KAT2B: variants seen among roughly 807,000 people sequenced by gnomAD.
KAT2B encodes the protein histone acetyltransferase KAT2B.
KAT2B carries 36 observed loss-of-function variants against 105.9 expected under a neutral mutation model. The ratio of observed to expected loss-of-function variants is 0.34; its 90% confidence interval spans 0.26 to 0.45. The LOEUF is 0.45. Among genes scored for constraint, KAT2B ranks in the 20% least tolerant of loss-of-function variants. The probability of loss-of-function intolerance (pLI) is 1.00; values close to 1 mark genes in which losing one functional copy is unlikely to be tolerated. For missense variants in KAT2B, 820 were observed against 1,021.6 expected, an observed-to-expected ratio of 0.80 and a Z score of 2.69; for synonymous variants, 397 against 377.9, an observed-to-expected ratio of 1.05 and a Z score of -0.59.
At chr3:20,053,088 G>C (rs1697943488) in intron 1 of KAT2B, among the ~76,000 whole-genome samples, 2 of 152,206 alleles carry the variant, frequency 1.3e-5, no homozygotes, top group Admixed American at 6.5e-5. Context: ...TCATAGTTAA[G>C]TGTGTTTCCC....
intron 13 of KAT2B, among the ~76,000 whole-genome samples, chr3:20,141,840 T>C (rs10084714): frequency 0.16 from 23,439 of 150,160 alleles, 2,205 homozygotes; most frequent in Middle Eastern, 0.22. Context: ...TGTTCAAAGA[T>C]GTCAGCCTAA....
chr3:20,062,669 C>A (rs2125174074), intron 1 of KAT2B, among the ~76,000 whole-genome samples: 1 of 151,682 alleles, frequency 6.6e-6, no homozygotes, highest in South Asian at 2.1e-4. Context: ...GCCTTGTTTG[C>A]CAGACTGGTC....
chr3:20,100,374 A>C (rs1698889779), intron 4 of KAT2B, among the ~76,000 whole-genome samples: 2 of 152,210 alleles, frequency 1.3e-5, no homozygotes, highest in African/African-American at 4.8e-5. Flanking sequence ...AAAAAAGCAA[A>C]AAAGAAATGA....
intron 1 of KAT2B, among the ~76,000 whole-genome samples, chr3:20,060,372 C>T (rs758278000): frequency 5.3e-5 from 8 of 151,894 alleles, no homozygotes; most frequent in Middle Eastern, 3.5e-3. Flanking sequence ...GAGGCCAAGG[C>T]GGGCGGATCA....
At chr3:20,124,537 G>A (rs926948000) in intron 9 of KAT2B, among the ~76,000 whole-genome samples, 6 of 152,132 alleles carry the variant, frequency 3.9e-5, no homozygotes, top group African/African-American at 1.4e-4. Context: ...TTCATGAGGG[G>A]TCTGCCCTGA....
chr3:20,143,335 T>C (rs7648603), intron 13 of KAT2B, among the ~76,000 whole-genome samples: 68,862 of 152,012 alleles, frequency 0.45, 18,963 homozygotes, highest in East Asian at 0.93. Context: ...AATGTGATAC[T>C]ATCTCACACC....
chr3:20,047,852 G>A (rs1388765694), intron 1 of KAT2B, among the ~76,000 whole-genome samples: 1 of 152,010 alleles, frequency 6.6e-6, no homozygotes, highest in Non-Finnish European at 1.5e-5. Flanking sequence ...CTGACCTCAA[G>A]TGATCTGTCT....
rs1697695390 is a variant in KAT2B, at chr3:20,040,618, G to C, written c.141G>C (p.Gly47=). ...PQGSPCAAAA[G]GSGACGPATA... ...GCTCCCCCTGCGCCGCTGCCGCCGG[G>C]GGCTCGGGCGCCTGCGGTCCGGCGA... The change falls in exon 1 of 18, where the codon GGG becomes GGC. Residue 47 remains glycine, a synonymous_variant. Transcript: ENST00000263754. 1 of 1,308,828 alleles carries C rather than the reference G, an allele frequency of 7.6e-7. No homozygotes were observed. Among genetic ancestry groups the C allele is most frequent in the South Asian group, 1.9e-5 (1 of 52,244 alleles). The allele number at this position is 1,308,828 out of a possible 1,614,324, so 81.1% of individuals were successfully genotyped here.
At position 20,096,158 on chromosome 3, in the gene KAT2B, T is replaced by G. The variant is rs1486443372; in HGVS notation, c.576+750T>G. On this transcript the variant is annotated intron_variant, in intron 3 of 17. Coordinates refer to ENST00000263754, the MANE Select transcript of KAT2B (RefSeq NM_003884.5). ...TGGAGGAGTGGCTGTAAGTCCTATC[T>G]CTAATGCTTTAAGAGGAGAAATCAA... is the stretch of plus-strand genomic sequence containing the variant. Among the ~76,000 whole-genome samples, 4 of 152,282 alleles carry G rather than the reference T, an allele frequency of 2.6e-5. No individual in the cohort carries two copies. The East Asian group carries it at 7.7e-4, about 29-fold the overall frequency.
In KAT2B at chr3:20,062,211, ATATAT is replaced by A. The variant is rs1430077190; in HGVS notation, c.304-10116_304-10112del. On this transcript the variant is annotated intron_variant, in intron 1 of 17. Coordinates refer to ENST00000263754, the MANE Select transcript of KAT2B (RefSeq NM_003884.5). ...ATAAAATATATATATTTTATATAAA[ATATAT>A]TATATATAAAAATATATATAAAATA... Among the ~76,000 whole-genome samples, 544 of 79,974 alleles carry A rather than the reference ATATAT, an allele frequency of 6.8e-3. 34 individuals carry two copies. The highest frequency in any genetic ancestry group is 0.025 in the African/African-American group (503 of 19,762). The allele number at this position is 79,974 out of a possible 152,430, so 52.5% of individuals were successfully genotyped here.
At chr3:20,046,206 G>A (rs115581195) in intron 1 of KAT2B, among the ~76,000 whole-genome samples, 2,106 of 152,306 alleles carry the variant, frequency 0.014, 40 homozygotes, top group African/African-American at 0.048. Context: ...AGCATTTATG[G>A]AGAACCCAGT....
At chr3:20,047,863 G>C (rs891676392) in intron 1 of KAT2B, among the ~76,000 whole-genome samples, 6 of 152,010 alleles carry the variant, frequency 3.9e-5, no homozygotes, top group African/African-American at 1.5e-4. Context: ...TGATCTGTCT[G>C]CCTGCGCCTC....
intron 1 of KAT2B, among the ~76,000 whole-genome samples, chr3:20,043,367 G>T (rs549411762): frequency 6.6e-6 from 1 of 152,204 alleles, no homozygotes; most frequent in East Asian, 1.9e-4. Flanking sequence ...GTATGCATGT[G>T]TTGGGGGCCT....
In KAT2B at chr3:20,111,640, C is replaced by G; in HGVS notation, c.896C>G (p.Pro299Arg). The change falls in exon 6 of 18, where the codon CCT (proline) becomes CGT (arginine). Residue 299 changes from proline to arginine, a missense_variant. By Grantham distance (103) the Pro-to-Arg change is moderately radical. Coordinates refer to ENST00000263754, the MANE Select transcript of KAT2B (RefSeq NM_003884.5). Reference protein sequence around the residue: ...CNVPQFCDSLPRYETTQVFGR... With the variant: ...CNVPQFCDSLRRYETTQVFGR... ...GTGCCACAGTTCTGCGACAGTCTACCTCGGTACGAAACCACACAGGTGTTT... is the reference window on the plus strand; with the variant it reads ...GTGCCACAGTTCTGCGACAGTCTACGTCGGTACGAAACCACACAGGTGTTT... 6.2e-7 allele frequency: 1 copy of G among 1,613,802 alleles called. No homozygotes were observed. The highest frequency in any genetic ancestry group is 1.1e-5 in the South Asian group (1 of 91,058).
At chr3:20,067,054 C>T (rs1124376) in intron 1 of KAT2B, among the ~76,000 whole-genome samples, 22,356 of 152,106 alleles carry the variant, frequency 0.15, 2,047 homozygotes, top group Middle Eastern at 0.22. Context: ...CTCAGTGTTT[C>T]ACCCCATGTT....
At chr3:20,099,993 G>C in intron 4 of KAT2B, 39 bp downstream of exon 4, 1 of 1,052,328 alleles carries the variant, frequency 9.5e-7, no homozygotes. Flanking sequence ...ATTGGCTCAA[G>C]GCTGAAGAAA....
At chr3:20,106,595 A>T (rs73818815) in intron 5 of KAT2B, among the ~76,000 whole-genome samples, 11,367 of 152,214 alleles carry the variant, frequency 0.075, 477 homozygotes, top group East Asian at 0.2. Flanking sequence ...ATTGAGGTCT[A>T]TAAAATGACT....
intron 9 of KAT2B, 29 bp from the exon 10 acceptor site, chr3:20,125,876 G>A: frequency 1.3e-6 from 2 of 1,580,456 alleles, no homozygotes; most frequent in Non-Finnish European, 1.7e-6. Flanking sequence ...ATAGCTCTGT[G>A]TAATTTTTTC....
chr3:20,139,246 T>C (rs57566579), intron 12 of KAT2B, among the ~76,000 whole-genome samples: 12,291 of 152,140 alleles, frequency 0.081, 542 homozygotes, highest in East Asian at 0.2. Context: ...TGTGTTCTTA[T>C]GTAATTAGAA....
Sources: allele counts gnomAD v4.1 joint callset (sites outside exome capture counted in the v4.1 genomes callset), GRCh38; gene constraint gnomAD v4.1.1; transcripts MANE v1.5; gene names NCBI Gene and HGNC (gene_info 2026-07-23, HGNC 2026-07-21).